ZNF385D: variants seen among roughly 807,000 people sequenced by gnomAD.
The protein encoded by ZNF385D is zinc finger protein 385D.
Under a neutral mutation model 35.8 loss-of-function variants are expected in ZNF385D, and 15 were observed. That is an observed-to-expected ratio of 0.42 (90% CI 0.28 to 0.64). The LOEUF is 0.64. Ranked by LOEUF, ZNF385D falls within the 30% of genes least tolerant of loss-of-function variation. The pLI is 0.23. For missense variants in ZNF385D, 474 were observed against 494.6 expected, an observed-to-expected ratio of 0.96 and a Z score of 0.39; for synonymous variants, 212 against 186.8, an observed-to-expected ratio of 1.13 and a Z score of -1.10.
At chr3:21,554,473 A>G (rs745396042) in intron 3 of ZNF385D, among the ~76,000 whole-genome samples, 6 of 152,148 alleles carry the variant, frequency 3.9e-5, no homozygotes, top group Non-Finnish European at 8.8e-5. Flanking sequence ...GATTTAGTGA[A>G]ATTCTTAAGG....
chr3:21,512,220 A>G (rs904033487), intron 3 of ZNF385D, among the ~76,000 whole-genome samples: 2 of 150,992 alleles, frequency 1.3e-5, no homozygotes, highest in Admixed American at 1.3e-4. Flanking sequence ...ATTAATGTTT[A>G]TTTCTTGGGG....
At chr3:21,896,750 T>C (rs1451326981) in intron 3 of ZNF385D, among the ~76,000 whole-genome samples, 3 of 152,094 alleles carry the variant, frequency 2.0e-5, no homozygotes, top group Admixed American at 1.3e-4. Context: ...GCTCATGATA[T>C]GATATCAGAA....
intron 2 of ZNF385D, among the ~76,000 whole-genome samples, chr3:22,307,655 C>A (rs1282045144): frequency 2.0e-5 from 3 of 151,646 alleles, no homozygotes; most frequent in African/African-American, 7.3e-5. Context: ...TGTGTGTTGA[C>A]CTAGTGGCAA....
intron 2 of ZNF385D, among the ~76,000 whole-genome samples, chr3:22,355,901 C>T (rs1219013881): frequency 6.6e-6 from 1 of 151,920 alleles, no homozygotes; most frequent in African/African-American, 2.4e-5. Flanking sequence ...ATAGAAGCTA[C>T]AACACATGAA....
intron 1 of ZNF385D, among the ~76,000 whole-genome samples, chr3:21,725,841 A>G (rs748671603): frequency 2.0e-4 from 31 of 152,220 alleles, no homozygotes; most frequent in Non-Finnish European, 4.4e-4. Flanking sequence ...TGAGGCCAGC[A>G]TCATCCTGAC....
intron 3 of ZNF385D, among the ~76,000 whole-genome samples, chr3:21,919,055 C>T (rs1442045033): frequency 1.3e-5 from 2 of 152,170 alleles, no homozygotes; most frequent in Admixed American, 1.3e-4. Flanking sequence ...GTATCGTGGA[C>T]ATGGTCTTCT....
intron 2 of ZNF385D, among the ~76,000 whole-genome samples, chr3:22,298,722 T>A (rs1036416495): frequency 2.0e-5 from 3 of 148,608 alleles, no homozygotes; most frequent in African/African-American, 7.4e-5. Context: ...AAAAAAAAAA[T>A]AAAATGATCT....
chr3:22,177,857 G>A (rs1576450766), intron 2 of ZNF385D, among the ~76,000 whole-genome samples: 2 of 152,090 alleles, frequency 1.3e-5, no homozygotes, highest in East Asian at 1.9e-4. Context: ...CCTTGTGATA[G>A]TTTGCTGAGA....
intron 2 of ZNF385D, among the ~76,000 whole-genome samples, chr3:22,174,534 AT>A (rs1428130926): frequency 6.6e-6 from 1 of 152,138 alleles, no homozygotes; most frequent in Non-Finnish European, 1.5e-5. Context: ...CCACTGTGTA[AT>A]TTTTTTAAAA....
intron 3 of ZNF385D, among the ~76,000 whole-genome samples, chr3:22,008,759 T>C (rs893154409): frequency 1.3e-4 from 19 of 151,926 alleles, no homozygotes; most frequent in Non-Finnish European, 2.6e-4. Context: ...ACACTGTGAG[T>C]AACAAGGATT....
intron 3 of ZNF385D, among the ~76,000 whole-genome samples, chr3:21,946,041 T>C (rs1202793732): frequency 6.6e-6 from 1 of 152,190 alleles, no homozygotes; most frequent in African/African-American, 2.4e-5. Flanking sequence ...CATGGCAAAC[T>C]AGCTGATTTA....
chr3:21,728,314 A>AATAATAAT (rs2068853131), intron 1 of ZNF385D, among the ~76,000 whole-genome samples: 1 of 137,484 alleles, frequency 7.3e-6, no homozygotes, highest in Admixed American at 7.3e-5. Context: ...ATAATAATAA[A>AATAATAAT]AGCAGACGTC....
chr3:21,469,628 G>T (rs1034225987), intron 4 of ZNF385D, among the ~76,000 whole-genome samples: 3 of 152,006 alleles, frequency 2.0e-5, no homozygotes, highest in Admixed American at 6.6e-5. Flanking sequence ...ATTATAAGTT[G>T]TTCCACTGAT....
At chr3:21,508,011 G>GT (rs1393857850) in intron 4 of ZNF385D, among the ~76,000 whole-genome samples, 11 of 152,012 alleles carry the variant, frequency 7.2e-5, no homozygotes, top group South Asian at 6.2e-4. Flanking sequence ...TTTTTTGTTT[G>GT]TTTTTTTGTT....
At chr3:22,282,983 G>T (rs911781050) in intron 2 of ZNF385D, among the ~76,000 whole-genome samples, 1 of 152,040 alleles carries the variant, frequency 6.6e-6, no homozygotes, top group Non-Finnish European at 1.5e-5. Flanking sequence ...AGGTAAAGGG[G>T]TGGACAAAGA....
At chr3:21,930,809 T>C (rs186839167) in intron 3 of ZNF385D, among the ~76,000 whole-genome samples, 158 of 152,152 alleles carry the variant, frequency 1.0e-3, no homozygotes, top group African/African-American at 3.7e-3. Context: ...ACCATACATA[T>C]AAAATAACTA....
chr3:21,537,631 C>T (rs1329774238), intron 3 of ZNF385D, among the ~76,000 whole-genome samples: 1 of 152,112 alleles, frequency 6.6e-6, no homozygotes, highest in Non-Finnish European at 1.5e-5. Flanking sequence ...CTAGAACCCT[C>T]TTAAATTTCA....
intron 3 of ZNF385D, among the ~76,000 whole-genome samples, chr3:21,759,156 G>C (rs140145318): frequency 2.8e-3 from 429 of 152,094 alleles, no homozygotes; most frequent in Non-Finnish European, 4.7e-3. Context: ...ATTAACAAAT[G>C]AATACTCTAG....
At chr3:22,224,050 C>T (rs898738116) in intron 2 of ZNF385D, among the ~76,000 whole-genome samples, 8 of 152,134 alleles carry the variant, frequency 5.3e-5, no homozygotes. Context: ...AAAAATCCTT[C>T]TTATCCCAAG....
Sources: allele counts gnomAD v4.1 joint callset (sites outside exome capture counted in the v4.1 genomes callset), GRCh38; gene constraint gnomAD v4.1.1; transcripts MANE v1.5; gene names NCBI Gene and HGNC (gene_info 2026-07-23, HGNC 2026-07-21).